The following EFL1 variants were observed in gnomAD, a reference collection of about 807,000 sequenced individuals.
EFL1 encodes elongation factor like GTPase 1.
A neutral mutation model predicts 126.7 loss-of-function variants in EFL1; 76 were observed. The ratio of observed to expected loss-of-function variants is 0.60; its 90% CI spans 0.50 to 0.73. EFL1 has a LOEUF of 0.73. Ranked by LOEUF, EFL1 falls within the 30% of genes least tolerant of loss-of-function variation. The pLI, the probability that EFL1 is intolerant of heterozygous loss-of-function variation, is 0.00. For missense variants in EFL1, 1,128 were observed against 1,343.2 expected, an observed-to-expected ratio of 0.84 and a Z score of 2.50; for synonymous variants, 410 against 448.4, an observed-to-expected ratio of 0.91 and a Z score of 1.08.
rs373434157 is a variant in EFL1 at position 82,219,789 on chromosome 15, G to A, written c.1474C>T (p.Pro492Ser). ...TTTTCTTCCTGGAGCACAGGTTTAG[G>A]GGTCATACTTTCCACCTGTTGCTCG... is the stretch of plus-strand genomic sequence containing the variant. ...GDEQQVESMT[P>S]KPVLQEENNQ... The change falls in exon 14 of 20, where the codon CCT (proline) becomes TCT (serine). Residue 492 changes from proline (P) to serine (S), a missense_variant. Around this residue, in one of 6 missense-constraint regions of EFL1, gnomAD observed 120 missense variants for 142.1 expected, o/e 0.84. Coordinates refer to ENST00000268206, the MANE Select transcript of EFL1 (RefSeq NM_024580.6). 7 of 1,610,542 alleles carry A rather than the reference G, an allele frequency of 4.3e-6. No homozygotes were observed. In the African/African-American group the frequency reaches 6.7e-5, roughly 15 times the overall value.
intron 15 of EFL1, among the ~76,000 whole-genome samples, chr15:82,209,626 T>C (rs1009036044): frequency 6.6e-6 from 1 of 152,234 alleles, no homozygotes; most frequent in Non-Finnish European, 1.5e-5. Context: ...TTTAGAGATA[T>C]TCTCAGTAGG....
chr15:82,212,160 T>A (rs1282516508), intron 15 of EFL1, among the ~76,000 whole-genome samples: 1 of 152,216 alleles, frequency 6.6e-6, no homozygotes, highest in African/African-American at 2.4e-5. Flanking sequence ...AAATTACAAA[T>A]ACAATTTTGT....
chr15:82,215,675 A>G (rs1233656042), intron 14 of EFL1: 1 of 152,176 alleles, frequency 6.6e-6, no homozygotes, highest in Non-Finnish European at 1.5e-5. Context: ...AATGCTATGA[A>G]GGGAAAAAAA....
chr15:82,242,019 A>G (rs1383720590), intron 4 of EFL1, among the ~76,000 whole-genome samples: 1 of 152,184 alleles, frequency 6.6e-6, no homozygotes, highest in Non-Finnish European at 1.5e-5. Flanking sequence ...TAGGGTGATG[A>G]CACATCCTGA....
At chr15:82,180,359 C>CAAA (rs71156028) in intron 15 of EFL1, among the ~76,000 whole-genome samples, 6 of 120,614 alleles carry the variant, frequency 5.0e-5, no homozygotes, top group East Asian at 2.4e-4. Context: ...ATTAAACTGG[C>CAAA]AAAAAAAAAA....
At chr15:82,156,658 G>A (rs1039611338) in intron 17 of EFL1, among the ~76,000 whole-genome samples, 2 of 115,910 alleles carry the variant, frequency 1.7e-5, no homozygotes, top group African/African-American at 1.1e-4. Context: ...TTTTACTGTG[G>A]TATAAAGATT....
Position 82,241,943 on chromosome 15 carries a change from T to C in EFL1, c.245-540A>G, listed in dbSNP as rs79261075. On this transcript the variant is annotated intron_variant, in intron 4 of 19. Coordinates refer to ENST00000268206, the MANE Select transcript of EFL1 (RefSeq NM_024580.6). Reference sequence around the variant, plus strand: ...AGCAGTTACTATGTGCCAAGCAGTGTGCTATGTGCTCTCCCATTAATATCT... The same window carrying C: ...AGCAGTTACTATGTGCCAAGCAGTGCGCTATGTGCTCTCCCATTAATATCT... Among the ~76,000 whole-genome samples, 56 of 152,308 alleles carry C rather than the reference T, an allele frequency of 3.7e-4. 1 individual carries two copies. The highest frequency in any genetic ancestry group is 1.5e-3 in the East Asian group (8 of 5,180).
intron 15 of EFL1, among the ~76,000 whole-genome samples, chr15:82,208,545 C>T (rs1204867962): frequency 6.6e-6 from 1 of 151,974 alleles, no homozygotes; most frequent in Admixed American, 6.6e-5. Context: ...AAACTAATGG[C>T]CATTTTAACT....
intron 7 of EFL1, among the ~76,000 whole-genome samples, chr15:82,232,750 TA>T (rs2074835012): frequency 1.3e-5 from 2 of 152,324 alleles, no homozygotes; most frequent in South Asian, 4.1e-4. Context: ...TTATCTCTTT[TA>T]TGTAGCAAAC....
chr15:82,141,452 T>C lies in EFL1; in HGVS notation c.2990-2610A>G, dbSNP rs185432077. Among the ~76,000 whole-genome samples the C allele has an allele frequency of 2.3e-3, 344 of 152,134 alleles. 3 individuals carry two copies. The highest frequency in any genetic ancestry group is 7.9e-3 in the African/African-American group (328 of 41,540). ...TGGGAGGCCAAGGCAGGCAGATCAC[T>C]TGAGGTCAAGAGTTCAAGACCAGCC... On this transcript the variant is annotated intron_variant, in intron 18 of 19. Transcript: ENST00000268206.
At chr15:82,260,303 T>C (rs1158391508) in intron 2 of EFL1, among the ~76,000 whole-genome samples, 1 of 152,188 alleles carries the variant, frequency 6.6e-6, no homozygotes. Context: ...TAAAAACTCA[T>C]GGAGGCAGGG....
chr15:82,130,505 A>G lies in EFL1; in HGVS notation c.3231T>C (p.Phe1077=). The G allele has an allele frequency of 6.2e-7, 1 of 1,614,144 alleles. No homozygotes were observed. The highest frequency in any genetic ancestry group is 8.5e-7 in the Non-Finnish European group (1 of 1,180,038). The change falls in exon 20 of 20, where the codon TTT becomes TTC. Residue 1077 remains phenylalanine (F), a synonymous_variant. Coordinates refer to ENST00000268206, the MANE Select transcript of EFL1 (RefSeq NM_024580.6). ...GGTTCTCAGAGTCAGCCTTCTCCCCAAAGTGCAAGTATTCCTCCTCAGTAG... is the reference window on the plus strand; with the variant it reads ...GGTTCTCAGAGTCAGCCTTCTCCCCGAAGTGCAAGTATTCCTCCTCAGTAG... ...VPTTEEEYLH[F]GEKADSENQA...
At chr15:82,195,502 C>T (rs776507515) in intron 15 of EFL1, among the ~76,000 whole-genome samples, 8 of 152,166 alleles carry the variant, frequency 5.3e-5, no homozygotes, top group South Asian at 2.1e-4. Flanking sequence ...TGAGAATCAA[C>T]GAAGATGTAC....
chr15:82,197,070 T>G (rs2074416385), intron 15 of EFL1, among the ~76,000 whole-genome samples: 1 of 151,892 alleles, frequency 6.6e-6, no homozygotes, highest in East Asian at 1.9e-4. Flanking sequence ...ATTGTTAGTA[T>G]CAGTTAACAA....
At chr15:82,162,292 A>G (rs897431696) in intron 16 of EFL1, among the ~76,000 whole-genome samples, 1 of 152,198 alleles carries the variant, frequency 6.6e-6, no homozygotes, top group Non-Finnish European at 1.5e-5. Context: ...AACCAAATAA[A>G]TAAACAAGTA....
At chr15:82,229,691 A>C (rs1026297570) in intron 8 of EFL1, among the ~76,000 whole-genome samples, 1 of 152,186 alleles carries the variant, frequency 6.6e-6, no homozygotes, top group Non-Finnish European at 1.5e-5. Flanking sequence ...ATTAAAAGTC[A>C]TTGGCTTAGA....
intron 12 of EFL1, among the ~76,000 whole-genome samples, chr15:82,223,291 A>G (rs1203412164): frequency 6.6e-6 from 1 of 152,216 alleles, no homozygotes; most frequent in Non-Finnish European, 1.5e-5. Context: ...TAGAAGATGG[A>G]AAAGAACAAA....
rs1596002882 is a variant in EFL1 at position 82,238,601 on chromosome 15, G to A, written c.517-80C>T. The A allele has an allele frequency of 9.8e-6, 12 of 1,223,464 alleles. No individual in the cohort carries two copies. In the East Asian group the frequency reaches 2.8e-4, roughly 28 times the overall value. 75.8% of individuals were successfully genotyped at this position (1,223,464 alleles called of 1,614,324 possible). A position where few individuals can be genotyped will look rare whatever the true frequency, so the allele number is the denominator to read the frequency against. On this transcript the variant is annotated intron_variant, in intron 6 of 19. Transcript: ENST00000268206. Reference sequence around the variant, plus strand: ...GCAGGAGAAACACTGTTTAACCTGTGTTAGGGCTAGAATCATTAGTCAGTT... The same window carrying A: ...GCAGGAGAAACACTGTTTAACCTGTATTAGGGCTAGAATCATTAGTCAGTT...
chr15:82,228,386 G>A lies in EFL1; in HGVS notation c.933-59C>T. The stretch of plus-strand genomic sequence containing the variant: ...TCATATGCAGATATAAACAGGCAGT[G>A]GAACCCAACATTATTTGGCATATTT... On this transcript the variant is annotated intron_variant, in intron 9 of 19. Coordinates refer to ENST00000268206, the MANE Select transcript of EFL1 (RefSeq NM_024580.6). 4 of 1,534,588 alleles carry A rather than the reference G, an allele frequency of 2.6e-6. No individual in the cohort carries two copies. The South Asian group carries it at 3.8e-5, about 15-fold the overall frequency.
Sources: gnomAD v4.1 joint callset for allele counts (sites outside exome capture counted in the v4.1 genomes callset) on GRCh38, gnomAD v4.1.1 for gene constraint, gnomAD v4.1.1 regional missense constraint, MANE v1.5 for transcripts, NCBI Gene and HGNC (gene_info 2026-07-23, HGNC 2026-07-21) for gene names.